Variants in ZNF438 observed in about 807,000 individuals in gnomAD.
ZNF438 encodes zinc finger protein 438.
Under a neutral mutation model 38.0 loss-of-function variants are expected in ZNF438, and 25 were observed. The ratio of observed to expected loss-of-function variants is 0.66; its 90% CI spans 0.48 to 0.92. The LOEUF (loss-of-function observed/expected upper bound fraction) is 0.92. Among genes scored for constraint, ZNF438 ranks in the 40% least tolerant of loss-of-function variants. The pLI is 0.00. For synonymous variants in ZNF438, 372 were observed against 364.1 expected (o/e 1.02, Z -0.25); for missense variants, 1,007 against 999.6 (o/e 1.01, Z -0.10).
chr10:30,960,412 T>C (rs1216688150), intron 1 of ZNF438, among the ~76,000 whole-genome samples: 2 of 147,350 alleles, frequency 1.4e-5, no homozygotes, highest in East Asian at 1.9e-4. Context: ...AGCTCTTACA[T>C]TTAGGCCCCT....
exon 5 of ZNF438, chr10:30,849,375 T>C: frequency 6.2e-7 from 1 of 1,614,246 alleles, no homozygotes; most frequent in Non-Finnish European, 8.5e-7. Context: ...GGTAGCCTGC[T>C]TGCCACCTTG....
At chr10:30,874,715 G>A (rs1398650246) in intron 4 of ZNF438, among the ~76,000 whole-genome samples, 2 of 151,754 alleles carry the variant, frequency 1.3e-5, no homozygotes, top group Non-Finnish European at 2.9e-5. Flanking sequence ...ATTAAGCATA[G>A]TATGTTTGAT....
At chr10:30,865,097 C>G (rs2036209744) in intron 4 of ZNF438, among the ~76,000 whole-genome samples, 1 of 152,248 alleles carries the variant, frequency 6.6e-6, no homozygotes, top group Non-Finnish European at 1.5e-5. Context: ...TATCTGTTTA[C>G]ATGTCAGTCT....
rs879673052 is a variant in ZNF438 at position 30,925,717 on chromosome 10, T to A, written c.-115+15858A>T. Among the ~76,000 whole-genome samples the A allele has an allele frequency of 4.3e-4, 65 of 152,256 alleles. 1 individual carries two copies. Among genetic ancestry groups the A allele is most frequent in the Admixed American group, 2.9e-3 (44 of 15,296 alleles). On this transcript the variant is annotated intron_variant, in intron 2 of 5. Transcript: ENST00000413025. ...TGAATGCCAACTTCCAGGTTAAGGT[T>A]CCTCAGAAGCAGCAGGTAAGGTATG...
intron 4 of ZNF438, among the ~76,000 whole-genome samples, chr10:30,850,652 G>A (rs1190160559): frequency 1.3e-5 from 2 of 152,148 alleles, no homozygotes; most frequent in Non-Finnish European, 2.9e-5. Flanking sequence ...AGTCAACACT[G>A]CTTGACAGCG....
At chr10:30,889,483 G>A (rs2040404354) in intron 3 of ZNF438, among the ~76,000 whole-genome samples, 1 of 152,072 alleles carries the variant, frequency 6.6e-6, no homozygotes, top group Non-Finnish European at 1.5e-5. Context: ...TTGGCTCACT[G>A]CAACCTCCAC....
intron 4 of ZNF438, among the ~76,000 whole-genome samples, chr10:30,852,517 T>C (rs1048865370): frequency 6.6e-6 from 1 of 152,204 alleles, no homozygotes; most frequent in Non-Finnish European, 1.5e-5. Flanking sequence ...CCGTCAACCT[T>C]GATTTTAATG....
intron 2 of ZNF438, among the ~76,000 whole-genome samples, chr10:30,929,041 A>G (rs1175822015): frequency 6.6e-6 from 1 of 152,182 alleles, no homozygotes; most frequent in Non-Finnish European, 1.5e-5. Context: ...CCTCTGACAA[A>G]AAGAGTTGGA....
At chr10:30,874,101 GGGGTGTGT>G (rs57436410) in intron 4 of ZNF438, among the ~76,000 whole-genome samples, 511 of 14,982 alleles carry the variant, frequency 0.034, 28 homozygotes, top group African/African-American at 0.065. Context: ...TGGGTGTGTG[GGGGTGTGT>G]GTGTGTATAT....
chr10:30,970,348 A>G (rs956290912), intron 1 of ZNF438, among the ~76,000 whole-genome samples: 2 of 152,218 alleles, frequency 1.3e-5, no homozygotes, highest in Non-Finnish European at 2.9e-5. Context: ...TAATGAAAAC[A>G]GTAAGAACAC....
chr10:30,855,720 A>G (rs1416762295), intron 4 of ZNF438, among the ~76,000 whole-genome samples: 1 of 152,268 alleles, frequency 6.6e-6, no homozygotes, highest in Non-Finnish European at 1.5e-5. Flanking sequence ...AGTAATAAAA[A>G]CAAAGAATGA....
chr10:30,856,098 ACTGT>A (rs2034581180), intron 4 of ZNF438, among the ~76,000 whole-genome samples: 1 of 152,200 alleles, frequency 6.6e-6, no homozygotes, highest in Non-Finnish European at 1.5e-5. Context: ...TGCATAAATG[ACTGT>A]CTAGATGTAC....
intron 1 of ZNF438, among the ~76,000 whole-genome samples, chr10:30,953,397 T>C (rs1394252277): frequency 6.8e-6 from 1 of 147,806 alleles, no homozygotes; most frequent in Non-Finnish European, 1.5e-5. Flanking sequence ...AAACTTAAAG[T>C]ATAATAAAAA....
At position 30,980,605 on chromosome 10, in the gene ZNF438, A is replaced by G. The variant is rs1482622131; in HGVS notation, c.-191-38954T>C. Among the ~76,000 whole-genome samples, 5 of 152,372 alleles carry G rather than the reference A, an allele frequency of 3.3e-5. No individual in the cohort carries two copies. In the South Asian group the frequency reaches 1.0e-3, roughly 32 times the overall value. On this transcript the variant is annotated intron_variant, in intron 1 of 5. Coordinates refer to ENST00000413025, the Ensembl canonical transcript of ZNF438. ...AAGTTTGAAATGTTTATTAGACTCC[A>G]AAATGGAGATGTTGAAAAGACATAA... is the stretch of plus-strand genomic sequence containing the variant.
intron 5 of ZNF438, among the ~76,000 whole-genome samples, chr10:30,846,843 C>T (rs2032266955): frequency 6.6e-6 from 1 of 152,334 alleles, no homozygotes; most frequent in East Asian, 1.9e-4. Context: ...CTCCTGCTGC[C>T]TGGCTTCTCC....
chr10:30,992,418 T>TC (rs1349432775), intron 1 of ZNF438, among the ~76,000 whole-genome samples: 2 of 146,860 alleles, frequency 1.4e-5, no homozygotes, highest in Admixed American at 6.8e-5. Flanking sequence ...TGAATCTTCT[T>TC]TTTTTTTTTT....
intron 1 of ZNF438, among the ~76,000 whole-genome samples, chr10:30,961,892 G>GAAA (rs947031672): frequency 1.5e-5 from 1 of 67,096 alleles, no homozygotes; most frequent in Non-Finnish European, 3.2e-5. Flanking sequence ...CATCCCAAAA[G>GAAA]AAAAAAAAAA....
chr10:30,854,262 C>G (rs911689358), intron 4 of ZNF438, among the ~76,000 whole-genome samples: 1 of 152,104 alleles, frequency 6.6e-6, no homozygotes, highest in African/African-American at 2.4e-5. Flanking sequence ...TGCAGTGAGC[C>G]GAAATAGCGC....
intron 4 of ZNF438, among the ~76,000 whole-genome samples, chr10:30,871,585 G>A (rs2037417524): frequency 6.6e-6 from 1 of 152,144 alleles, no homozygotes; most frequent in Non-Finnish European, 1.5e-5. Context: ...TCCTCCCTAA[G>A]TATGCCTTAC....
Sources: allele counts gnomAD v4.1 joint callset (sites outside exome capture counted in the v4.1 genomes callset), GRCh38; gene constraint gnomAD v4.1.1; transcripts MANE v1.5; gene names NCBI Gene and HGNC (gene_info 2026-07-23, HGNC 2026-07-21).